Variants in CALB2 observed in about 807,000 individuals in gnomAD.
The protein encoded by CALB2 is calretinin.
In CALB2, 34 loss-of-function variants were observed where a neutral mutation model predicts 45.9. The ratio of observed to expected loss-of-function variants is 0.74; its 90% confidence interval spans 0.56 to 0.99. CALB2 has a LOEUF of 0.99. Ranked by LOEUF, CALB2 falls within the 50% of genes least tolerant of loss-of-function variation. The pLI, the probability that CALB2 is intolerant of heterozygous loss-of-function variation, is 0.00. For missense variants in CALB2, 344 were observed against 339.3 expected (o/e 1.01, Z -0.11); for synonymous variants, 142 against 129.6 (o/e 1.10, Z -0.65).
At chr16:71,387,292 A>G (rs1476668266) in intron 10 of CALB2, among the ~76,000 whole-genome samples, 1 of 152,214 alleles carries the variant, frequency 6.6e-6, no homozygotes, top group Non-Finnish European at 1.5e-5. Flanking sequence ...TGGGATTCAG[A>G]AGCCACTCTG....
intron 1 of CALB2, among the ~76,000 whole-genome samples, chr16:71,371,774 T>G (rs1258213774): frequency 5.3e-5 from 8 of 152,156 alleles, no homozygotes; most frequent in Non-Finnish European, 2.9e-5. Flanking sequence ...CGCTACACCT[T>G]CTGAACTCCA....
intron 1 of CALB2, among the ~76,000 whole-genome samples, chr16:71,365,578 T>C (rs1468446094): frequency 6.6e-6 from 1 of 152,162 alleles, no homozygotes; most frequent in African/African-American, 2.4e-5. Flanking sequence ...GTGTGATCCA[T>C]AGATTGTTGG....
intron 1 of CALB2, among the ~76,000 whole-genome samples, chr16:71,359,187 C>A (rs1283235924): frequency 1.3e-5 from 2 of 152,222 alleles, no homozygotes; most frequent in Non-Finnish European, 2.9e-5. Flanking sequence ...TCCAGGTTCC[C>A]CCTGCCATCT....
At chr16:71,359,531 GA>G (rs1451745387) in intron 1 of CALB2, among the ~76,000 whole-genome samples, 2 of 152,184 alleles carry the variant, frequency 1.3e-5, no homozygotes, top group African/African-American at 4.8e-5. Flanking sequence ...CCCTCATAGT[GA>G]TAATCCTGGG....
chr16:71,372,214 GA>G lies in CALB2; in HGVS notation c.159del (p.Gly54AlafsTer4). 1 of 1,612,904 alleles carries G rather than the reference GA, an allele frequency of 6.2e-7. No homozygotes were observed. Among genetic ancestry groups the G allele is most frequent in the Non-Finnish European group, 8.5e-7 (1 of 1,179,224 alleles). ...TTTTCCAAGAGCTGGAGAAGGCAAG[GA>G]AAGGCTCTGGCATGGTAAGCCCAGC... is the stretch of plus-strand genomic sequence containing the variant. ...NFFQELEKAR[K>X]GSGMMSKSDN... is the part of the protein sequence containing the mutation. On this transcript the variant is annotated frameshift_variant, in exon 2 of 11. Coordinates refer to ENST00000302628, the MANE Select transcript of CALB2 (RefSeq NM_001740.5). LOFTEE classifies it high-confidence loss of function.
At chr16:71,363,655 G>A (rs1814623729) in intron 1 of CALB2, among the ~76,000 whole-genome samples, 1 of 152,300 alleles carries the variant, frequency 6.6e-6, no homozygotes, top group South Asian at 2.1e-4. Flanking sequence ...AGAGATGAAC[G>A]GGAACCTGGG....
chr16:71,382,854 T>G (rs2042516423), intron 5 of CALB2, 79 bp downstream of exon 5: 1 of 1,271,762 alleles, frequency 7.9e-7, no homozygotes, highest in African/African-American at 1.5e-5. Flanking sequence ...AGATGTTGGA[T>G]GAGGGGCATG....
intron 1 of CALB2, 64 bp downstream of exon 1, chr16:71,358,950 G>A: frequency 1.4e-6 from 2 of 1,431,742 alleles, no homozygotes; most frequent in Non-Finnish European, 9.7e-7. Flanking sequence ...AAGGGGGCAG[G>A]GGGCGGCGCT....
chr16:71,374,345 T>G (rs775453522), intron 2 of CALB2, among the ~76,000 whole-genome samples: 4 of 152,154 alleles, frequency 2.6e-5, no homozygotes, highest in Non-Finnish European at 4.4e-5. Flanking sequence ...TTAGAACCTA[T>G]TAGGGGGCAC....
rs568585948 is a variant in CALB2, at chr16:71,363,802, C to A, written c.94+4916C>A. 5.3e-5 allele frequency among the ~76,000 whole-genome samples: 8 copies of A among 152,300 alleles called. No individual in the cohort carries two copies. The South Asian group carries it at 1.7e-3, about 32-fold the overall frequency. ...AACAGTTACAATGCTATAAGGTAAT[C>A]ATAGGATTTATCAAAACGATTGGGT... is the stretch of plus-strand genomic sequence containing the variant. On this transcript the variant is annotated intron_variant, in intron 1 of 10. Coordinates refer to ENST00000302628, the MANE Select transcript of CALB2 (RefSeq NM_001740.5).
At chr16:71,361,020 A>C (rs1283852195) in intron 1 of CALB2, among the ~76,000 whole-genome samples, 1 of 152,184 alleles carries the variant, frequency 6.6e-6, no homozygotes, top group East Asian at 1.9e-4. Flanking sequence ...CGTGTATCCC[A>C]AAATGGGGTC....
intron 7 of CALB2, 76 bp from the exon 8 acceptor site, chr16:71,384,263 C>T (rs1044210229): frequency 1.0e-5 from 13 of 1,240,290 alleles, no homozygotes; most frequent in African/African-American, 1.5e-5. Context: ...CTGCAGGCAC[C>T]GCCTCTGCCT....
At chr16:71,366,193 A>C (rs889397861) in intron 1 of CALB2, among the ~76,000 whole-genome samples, 1 of 148,886 alleles carries the variant, frequency 6.7e-6, no homozygotes, top group African/African-American at 2.5e-5. Context: ...CGCCCGGCTA[A>C]TTTTTTGTAT....
intron 1 of CALB2, among the ~76,000 whole-genome samples, chr16:71,367,541 T>C (rs2042302477): frequency 6.6e-6 from 1 of 152,148 alleles, no homozygotes; most frequent in Non-Finnish European, 1.5e-5. Flanking sequence ...AATCGAGGGC[T>C]GGGTGTGGAG....
At position 71,358,877 on chromosome 16, in the gene CALB2, G is replaced by A. The variant is rs2042210558; in HGVS notation, c.85G>A (p.Asp29Asn). 6.2e-7 allele frequency: 1 copy of A among 1,612,978 alleles called. No individual in the cohort carries two copies. The highest frequency in any genetic ancestry group is 1.3e-5 in the African/African-American group (1 of 74,948). Residue 29 changes from aspartate (D) to asparagine (N), a missense_variant, in exon 1 of 11, where the codon GAC (aspartate) becomes AAC (asparagine). Asp to Asn is a conservative substitution (Grantham distance 23, BLOSUM62 1). This residue lies in a region of CALB2 where 77 missense variants were observed against 80.5 expected (regional missense o/e 0.96). Coordinates refer to ENST00000302628, the MANE Select transcript of CALB2 (RefSeq NM_001740.5). ...GTTCCTGGAAATATGGAAGCACTTT[G>A]ACGCAGACGGTCAGTAAAGCTCCCA... ...SQFLEIWKHF[D>N]ADGNGYIEGK...
At chr16:71,364,928 C>G (rs1415778497) in intron 1 of CALB2, among the ~76,000 whole-genome samples, 1 of 152,188 alleles carries the variant, frequency 6.6e-6, no homozygotes, top group Non-Finnish European at 1.5e-5. Context: ...TCAGCTGTGG[C>G]TGAATCTCCT....
chr16:71,388,334 CAAAAAA>C (rs71153632), intron 10 of CALB2, among the ~76,000 whole-genome samples: 1 of 103,430 alleles, frequency 9.7e-6, no homozygotes, highest in Non-Finnish European at 1.8e-5. Flanking sequence ...GACCTTATCT[CAAAAAA>C]AAAAAAAAAA....
chr16:71,380,292 CTTTTTT>C (rs544138378), intron 4 of CALB2, among the ~76,000 whole-genome samples: 694 of 43,798 alleles, frequency 0.016, 28 homozygotes, highest in African/African-American at 0.055. Context: ...CCTTCCTTTT[CTTTTTT>C]TTTTTTTTTT....
intron 2 of CALB2, 99 bp downstream of exon 2, chr16:71,372,328 C>T (rs2042361865): frequency 3.8e-6 from 3 of 796,450 alleles, no homozygotes; most frequent in Non-Finnish European, 6.2e-6. Context: ...GGCCTCATAT[C>T]GCTGGTCTTG....
Sources: gnomAD v4.1 joint callset for allele counts (sites outside exome capture counted in the v4.1 genomes callset) on GRCh38, gnomAD v4.1.1 for gene constraint, gnomAD v4.1.1 regional missense constraint, MANE v1.5 for transcripts, NCBI Gene and HGNC (gene_info 2026-07-23, HGNC 2026-07-21) for gene names.